Variants in GALNT13 observed in about 807,000 individuals in gnomAD.
The protein encoded by GALNT13 is UDP-GalNAc:polypeptide N-acetylgalactosaminyltransferase 13.
In GALNT13, 28 loss-of-function variants were observed where a neutral mutation model predicts 64.2. The ratio of observed to expected loss-of-function variants is 0.44; its 90% CI spans 0.32 to 0.60. The LOEUF is 0.60. Among genes scored for constraint, GALNT13 ranks in the 20% least tolerant of loss-of-function variants. GALNT13 has a pLI of 0.05. For missense variants in GALNT13, 577 were observed against 669.8 expected (o/e 0.86, Z 1.53); for synonymous variants, 214 against 224.6 (o/e 0.95, Z 0.42).
At chr2:153,751,829 CA>C in the GALNT13 span, among the ~76,000 whole-genome samples, 1 of 151,568 alleles carries the variant, frequency 6.6e-6, no homozygotes, top group African/African-American at 2.4e-5. Context: ...CACTTACATT[CA>C]ATGTTATTAT....
chr2:154,214,293 A>G (rs994414386), intron 4 of GALNT13, among the ~76,000 whole-genome samples: 1 of 152,072 alleles, frequency 6.6e-6, no homozygotes, highest in Admixed American at 6.5e-5. Context: ...ATCCAAATGG[A>G]TTTTCCATCT....
intron 3 of GALNT13, among the ~76,000 whole-genome samples, chr2:154,128,666 G>A (rs1682437586): frequency 6.6e-6 from 1 of 152,066 alleles, no homozygotes. Flanking sequence ...GATTAGATAT[G>A]TGATCACTGA....
chr2:153,665,345 A>G, the GALNT13 span, among the ~76,000 whole-genome samples: 232 of 152,354 alleles, frequency 1.5e-3, no homozygotes, highest in Non-Finnish European at 2.2e-3. Flanking sequence ...TGAAAAGCTG[A>G]CTGAGGGCAA....
rs186303582 is a variant in GALNT13, at chr2:153,947,885, A to G, written c.142+3246A>G. 7.5e-4 allele frequency among the ~76,000 whole-genome samples: 114 copies of G among 152,174 alleles called. No individual in the cohort carries two copies. The East Asian group carries it at 0.022, about 29-fold the overall frequency. ...TAGTATAAGGAAGGGGTCCAGTTTC[A>G]ATTTTCTGCATATGCCTAGCCAGTT... On this transcript the variant is annotated intron_variant, in intron 3 of 12. Transcript: ENST00000392825.
At chr2:154,309,555 A>C (rs1693921745) in intron 9 of GALNT13, among the ~76,000 whole-genome samples, 1 of 152,144 alleles carries the variant, frequency 6.6e-6, no homozygotes. Context: ...GTGCAAGGAG[A>C]CCAAACATGA....
chr2:153,728,244 C>T, the GALNT13 span, among the ~76,000 whole-genome samples: 1 of 152,090 alleles, frequency 6.6e-6, no homozygotes, highest in African/African-American at 2.4e-5. Context: ...TTTTATACTC[C>T]TTTGAGTATA....
intron 4 of GALNT13, among the ~76,000 whole-genome samples, chr2:154,179,839 A>C (rs529056988): frequency 1.4e-4 from 22 of 152,160 alleles, no homozygotes; most frequent in African/African-American, 5.1e-4. Context: ...AAAAAAAAAA[A>C]AAAAATCTTA....
chr2:153,122,266 A>T, the GALNT13 span, among the ~76,000 whole-genome samples: 4 of 151,852 alleles, frequency 2.6e-5, no homozygotes, highest in Non-Finnish European at 5.9e-5. Flanking sequence ...TTAAATGAAC[A>T]TTATGTTAAA....
chr2:153,273,117 C>T, the GALNT13 span, among the ~76,000 whole-genome samples: 10 of 151,884 alleles, frequency 6.6e-5, no homozygotes, highest in African/African-American at 1.9e-4. Flanking sequence ...CAATACACAC[C>T]GGGGCCTGTC....
chr2:153,652,642 A>G, the GALNT13 span, among the ~76,000 whole-genome samples: 490 of 152,232 alleles, frequency 3.2e-3, 5 homozygotes, highest in Admixed American at 8.8e-3. Flanking sequence ...TAGAGACAGA[A>G]AGATCAATAA....
At chr2:153,184,614 G>A in the GALNT13 span, among the ~76,000 whole-genome samples, 2 of 152,166 alleles carry the variant, frequency 1.3e-5, no homozygotes, top group African/African-American at 4.8e-5. Context: ...GTCATATATG[G>A]TTCTTATTAT....
chr2:154,309,289 C>T (rs1167021205), intron 9 of GALNT13, among the ~76,000 whole-genome samples: 1 of 122,332 alleles, frequency 8.2e-6, no homozygotes, highest in Non-Finnish European at 1.7e-5. Context: ...TTTCCACCTT[C>T]TAATTGCTCT....
chr2:153,271,991 A>T, the GALNT13 span, among the ~76,000 whole-genome samples: 1 of 152,236 alleles, frequency 6.6e-6, no homozygotes, highest in South Asian at 2.1e-4. Context: ...ATCTTTGGCA[A>T]ACATGATAAA....
At chr2:153,788,435 A>G in the GALNT13 span, among the ~76,000 whole-genome samples, 1 of 152,068 alleles carries the variant, frequency 6.6e-6, no homozygotes, top group Non-Finnish European at 1.5e-5. Context: ...ATGCCTTACA[A>G]GAGCTCCTAA....
chr2:154,375,010 ACAGAGT>A (rs1188485082), intron 9 of GALNT13, among the ~76,000 whole-genome samples: 3 of 152,140 alleles, frequency 2.0e-5, no homozygotes, highest in Admixed American at 6.5e-5. Context: ...TGTTGTTGAG[ACAGAGT>A]CTCGCTCTTG....
intron 3 of GALNT13, among the ~76,000 whole-genome samples, chr2:154,053,758 T>C (rs952078297): frequency 6.6e-6 from 1 of 152,218 alleles, no homozygotes; most frequent in South Asian, 2.1e-4. Flanking sequence ...AAGAAACTTA[T>C]AGTTTGAATC....
chr2:153,097,033 G>A, the GALNT13 span, among the ~76,000 whole-genome samples: 5,174 of 151,786 alleles, frequency 0.034, 176 homozygotes, highest in East Asian at 0.16. Context: ...TTGTGTGTTC[G>A]TTGTATGTTT....
chr2:154,208,624 CTGTG>C (rs57789546), intron 4 of GALNT13, among the ~76,000 whole-genome samples: 46,224 of 139,990 alleles, frequency 0.33, 7,799 homozygotes, highest in Middle Eastern at 0.44. Context: ...TTTTGCGTGT[CTGTG>C]TGTGTGTGTG....
chr2:154,004,735 T>C (rs531876241), intron 3 of GALNT13, among the ~76,000 whole-genome samples: 1 of 152,290 alleles, frequency 6.6e-6, no homozygotes, highest in East Asian at 1.9e-4. Context: ...AGTGGTAGGG[T>C]ATTAAACTTT....
Sources: allele counts gnomAD v4.1 joint callset (sites outside exome capture counted in the v4.1 genomes callset), GRCh38; gene constraint gnomAD v4.1.1; transcripts MANE v1.5; gene names NCBI Gene and HGNC (gene_info 2026-07-23, HGNC 2026-07-21).